Variants in KCNQ3 observed in about 807,000 individuals in gnomAD.
KCNQ3 encodes potassium voltage-gated channel subfamily KQT member 3.
Under a neutral mutation model 92.5 loss-of-function variants are expected in KCNQ3, and 30 were observed. The observed-to-expected ratio is 0.32, with a 90% CI of 0.24 to 0.44. KCNQ3 has a LOEUF of 0.44. Among genes scored for constraint, KCNQ3 ranks in the 20% least tolerant of loss-of-function variants. The probability of loss-of-function intolerance (pLI) is 1.00; values close to 1 mark genes in which losing one functional copy is unlikely to be tolerated. For synonymous variants in KCNQ3, 450 were observed against 468.8 expected (o/e 0.96, Z 0.52); for missense variants, 913 against 1,140.3 (o/e 0.80, Z 2.87).
At chr8:132,304,558 A>G (rs1258819809) in intron 1 of KCNQ3, among the ~76,000 whole-genome samples, 2 of 152,194 alleles carry the variant, frequency 1.3e-5, no homozygotes, top group Admixed American at 6.5e-5. Context: ...TGGCTACTTA[A>G]GTATAAATTA....
At chr8:132,184,467 C>G in intron 2 of KCNQ3, 100 bp from the exon 3 acceptor site, 2 of 1,213,200 alleles carry the variant, frequency 1.6e-6, no homozygotes, top group African/African-American at 1.5e-5. Context: ...CCATTTTGTG[C>G]TGTTGCTGGT....
At position 132,202,977 on chromosome 8, in the gene KCNQ3, T is replaced by A. The variant is rs563054050; in HGVS notation, c.387-16796A>T. 1.4e-4 allele frequency among the ~76,000 whole-genome samples: 22 copies of A among 152,008 alleles called. No individual in the cohort carries two copies. In the East Asian group the frequency reaches 3.5e-3, roughly 24 times the overall value. ...ATACCACGGACTGGGCAATTTATTT[T>A]AAAAAAAATTGTTTCTCAGAGTTCT... On this transcript the variant is annotated intron_variant, in intron 1 of 14. Transcript: ENST00000388996.
At chr8:132,312,783 C>T (rs1193609731) in intron 1 of KCNQ3, among the ~76,000 whole-genome samples, 4 of 152,288 alleles carry the variant, frequency 2.6e-5, no homozygotes, top group Middle Eastern at 3.4e-3. Flanking sequence ...GACATGCCTG[C>T]TTCCCCTTCT....
At chr8:132,130,963 T>C (rs989675368) in intron 14 of KCNQ3, among the ~76,000 whole-genome samples, 5 of 152,204 alleles carry the variant, frequency 3.3e-5, no homozygotes, top group African/African-American at 1.2e-4. Context: ...ATGAGCACCA[T>C]GATCAGCAGA....
chr8:132,401,577 T>C (rs913445598), intron 1 of KCNQ3, among the ~76,000 whole-genome samples: 10 of 152,148 alleles, frequency 6.6e-5, no homozygotes, highest in Non-Finnish European at 8.8e-5. Flanking sequence ...GTTTTCACCA[T>C]GTTGGCCAGG....
intron 1 of KCNQ3, among the ~76,000 whole-genome samples, chr8:132,225,173 G>A (rs192191970): frequency 1.3e-5 from 2 of 152,320 alleles, no homozygotes; most frequent in East Asian, 1.9e-4. Context: ...AAAGAATATT[G>A]TGCCCAAATG....
Position 132,126,194 on chromosome 8 carries a change from G to A in KCNQ3, c.*3068C>T, listed in dbSNP as rs1376562989. The A allele has an allele frequency of 2.0e-5, 3 of 152,176 alleles. No individual in the cohort carries two copies. The highest frequency in any genetic ancestry group is 6.5e-5 in the Admixed American group (1 of 15,280). The allele number at this position is 152,176 out of a possible 1,614,324, so 9.4% of individuals were successfully genotyped here. Reference sequence around the variant, plus strand: ...ATATTTCATGGAGTTCTGCTGAAACGATTGCAATTTCTTGGGCAAGTTTCA... The same window carrying A: ...ATATTTCATGGAGTTCTGCTGAAACAATTGCAATTTCTTGGGCAAGTTTCA... On this transcript the variant is annotated 3_prime_UTR_variant, in exon 15 of 15. Coordinates refer to ENST00000388996, the MANE Select transcript of KCNQ3 (RefSeq NM_004519.4).
chr8:132,172,048 G>A (rs948827537), intron 7 of KCNQ3, among the ~76,000 whole-genome samples: 1 of 151,982 alleles, frequency 6.6e-6, no homozygotes, highest in Non-Finnish European at 1.5e-5. Flanking sequence ...GGTGGTACGT[G>A]TGGTGGTGCA....
intron 4 of KCNQ3, among the ~76,000 whole-genome samples, chr8:132,179,622 T>C (rs58663515): frequency 0.092 from 14,030 of 152,224 alleles, 749 homozygotes; most frequent in African/African-American, 0.13. Context: ...TAAGTGCTCT[T>C]CACATATCAA....
rs762507180 is a variant in KCNQ3 at position 132,351,298 on chromosome 8, C to T, written c.386+128849G>A. Among the ~76,000 whole-genome samples the T allele has an allele frequency of 1.6e-4, 25 of 152,288 alleles. No homozygotes were observed. In the South Asian group the frequency reaches 3.3e-3, roughly 20 times the overall value. ...AGCCAGTGTTAGATCCAGGGCTGAA[C>T]TGGTTTGTGTGTGACCTCAAAGACC... is the stretch of plus-strand genomic sequence containing the variant. On this transcript the variant is annotated intron_variant, in intron 1 of 14. Transcript: ENST00000388996.
At chr8:132,452,755 C>T (rs1821851282) in intron 1 of KCNQ3, among the ~76,000 whole-genome samples, 1 of 152,078 alleles carries the variant, frequency 6.6e-6, no homozygotes, top group Non-Finnish European at 1.5e-5. Flanking sequence ...AGGTCATTTT[C>T]GGGCCACCTT....
At chr8:132,230,572 A>G (rs544487704) in intron 1 of KCNQ3, among the ~76,000 whole-genome samples, 11 of 152,358 alleles carry the variant, frequency 7.2e-5, no homozygotes, top group African/African-American at 2.6e-4. Context: ...CCTATGACAT[A>G]GTTTTGAAAG....
At chr8:132,191,587 G>A (rs1220817992) in intron 1 of KCNQ3, among the ~76,000 whole-genome samples, 1 of 107,480 alleles carries the variant, frequency 9.3e-6, no homozygotes, top group Non-Finnish European at 1.9e-5. Flanking sequence ...CTAGAAAGAT[G>A]GATATGTGTG....
chr8:132,333,207 C>A (rs1228773008), intron 1 of KCNQ3, among the ~76,000 whole-genome samples: 1 of 152,124 alleles, frequency 6.6e-6, no homozygotes, highest in African/African-American at 2.4e-5. Flanking sequence ...TCCTCATGGC[C>A]TAAAGCAGAG....
chr8:132,421,191 C>G (rs1390396392), intron 1 of KCNQ3, among the ~76,000 whole-genome samples: 3 of 152,144 alleles, frequency 2.0e-5, no homozygotes, highest in Non-Finnish European at 4.4e-5. Context: ...TTCCAATTAT[C>G]TCTACATATG....
intron 1 of KCNQ3, among the ~76,000 whole-genome samples, chr8:132,395,426 C>T (rs772088719): frequency 6.0e-4 from 92 of 152,258 alleles, no homozygotes; most frequent in Middle Eastern, 6.8e-3. Flanking sequence ...AGTTCTAACA[C>T]GACAGCAAAG....
chr8:132,140,792 C>A (rs895258001), intron 10 of KCNQ3: 3 of 351,552 alleles, frequency 8.5e-6, no homozygotes, highest in Non-Finnish European at 1.1e-5. Context: ...CTCTAAATTG[C>A]TTTGCACCTG....
chr8:132,330,505 C>A (rs894983388), intron 1 of KCNQ3, among the ~76,000 whole-genome samples: 1 of 152,186 alleles, frequency 6.6e-6, no homozygotes, highest in Non-Finnish European at 1.5e-5. Context: ...TCGACACCAG[C>A]CCTTTTGCCA....
intron 1 of KCNQ3, among the ~76,000 whole-genome samples, chr8:132,400,997 T>C (rs535564450): frequency 1.2e-4 from 18 of 152,330 alleles, no homozygotes; most frequent in African/African-American, 3.8e-4. Flanking sequence ...CAGCCAGCAT[T>C]CAGGATAAGC....
Sources: gnomAD v4.1 joint callset for allele counts (sites outside exome capture counted in the v4.1 genomes callset) on GRCh38, gnomAD v4.1.1 for gene constraint, MANE v1.5 for transcripts, NCBI Gene and HGNC (gene_info 2026-07-23, HGNC 2026-07-21) for gene names.